ARMC2: variants seen among roughly 807,000 people sequenced by gnomAD.
ARMC2 encodes the protein armadillo repeat containing 2.
Under a neutral mutation model 90.3 loss-of-function variants are expected in ARMC2, and 67 were observed. That is an observed-to-expected ratio of 0.74 (90% confidence interval 0.61 to 0.91). The LOEUF (loss-of-function observed/expected upper bound fraction) is 0.91, where lower values mean the gene tolerates loss of function less well. ARMC2 is among the 40% of genes least tolerant of loss of function. ARMC2 has a pLI of 0.00. For synonymous variants in ARMC2, 393 were observed against 393.0 expected, an observed-to-expected ratio of 1.00 and a Z score of 0.00; for missense variants, 920 against 1,030.9, an observed-to-expected ratio of 0.89 and a Z score of 1.47.
intron 10 of ARMC2, among the ~76,000 whole-genome samples, chr6:108,927,013 AATC>A (rs985539178): frequency 7.3e-5 from 11 of 151,666 alleles, no homozygotes; most frequent in African/African-American, 2.4e-4. Context: ...AGGAAAAACT[AATC>A]ATGTCATCTT....
At chr6:109,049,926 T>C in the ARMC2 span, among the ~76,000 whole-genome samples, 18,275 of 152,138 alleles carry the variant, frequency 0.12, 1,179 homozygotes, top group Middle Eastern at 0.2. Context: ...TGTCTGACTT[T>C]GGTTTGAAAC....
chr6:109,002,399 G>C, the ARMC2 span: 1 of 1,414,038 alleles, frequency 7.1e-7, no homozygotes, highest in Non-Finnish European at 1.0e-6. Context: ...AATGAACTGA[G>C]GCTAAAGGAA....
rs114918690 is a variant in ARMC2, at chr6:108,911,752, A to G, written c.1127-583A>G. 4.0e-3 allele frequency among the ~76,000 whole-genome samples: 612 copies of G among 152,330 alleles called. 9 individuals carry two copies. The highest frequency in any genetic ancestry group is 0.014 in the African/African-American group (595 of 41,584). Reference sequence around the variant, plus strand: ...GTCAAATTATTACATTGACTTTAATATAATTAAATGTGAGATATGCATTAT... The same window carrying G: ...GTCAAATTATTACATTGACTTTAATGTAATTAAATGTGAGATATGCATTAT... On this transcript the variant is annotated intron_variant, in intron 9 of 17. Transcript: ENST00000392644.
chr6:109,012,617 C>T, the ARMC2 span, among the ~76,000 whole-genome samples: 1 of 152,224 alleles, frequency 6.6e-6, no homozygotes, highest in South Asian at 2.1e-4. Context: ...ACCTGAGCTA[C>T]AGCTTAGAGT....
the ARMC2 span, among the ~76,000 whole-genome samples, chr6:108,979,790 T>C: frequency 2.6e-5 from 4 of 151,946 alleles, no homozygotes; most frequent in South Asian, 6.2e-4. Context: ...GATATGGCTA[T>C]TGATACTTGT....
intron 13 of ARMC2, 80 bp downstream of exon 13, chr6:108,953,431 G>A: frequency 1.4e-6 from 2 of 1,400,398 alleles, no homozygotes; most frequent in Non-Finnish European, 1.9e-6. Flanking sequence ...TCTGTGGTGT[G>A]ATGAGGATTT....
Position 108,962,125 on chromosome 6 carries a change from A to T in ARMC2, c.2150A>T (p.Asn717Ile). Residue 717 changes from asparagine to isoleucine, a missense_variant and splice_region_variant, in exon 15 of 18, where the codon AAT becomes ATT. Physicochemically the swap from Asn to Ile is moderately radical, Grantham distance 149. Transcript: ENST00000392644. ...GTCTGCGATTTCATTGTGCAGAACAATGGTGAGTTAATAACACTAGAATTC... is the reference window on the plus strand; with the variant it reads ...GTCTGCGATTTCATTGTGCAGAACATTGGTGAGTTAATAACACTAGAATTC... ...HDVCDFIVQN[N>I]VHRFMMALLD... 6.3e-7 allele frequency: 1 copy of T among 1,598,392 alleles called. No individual in the cohort carries two copies. The highest frequency in any genetic ancestry group is 8.6e-7 in the Non-Finnish European group (1 of 1,168,658).
intron 2 of ARMC2, chr6:108,856,717 A>C (rs1392903220): frequency 1.3e-5 from 2 of 152,902 alleles, no homozygotes; most frequent in Admixed American, 1.3e-4. Context: ...CACCTCCAGC[A>C]GCAGTGTCTT....
At chr6:108,914,907 T>C (rs2128474599) in intron 10 of ARMC2, among the ~76,000 whole-genome samples, 1 of 152,012 alleles carries the variant, frequency 6.6e-6, no homozygotes, top group South Asian at 2.1e-4. Flanking sequence ...GAAGTGTCTG[T>C]TTACACCAGC....
the ARMC2 span, among the ~76,000 whole-genome samples, chr6:109,023,647 A>G: frequency 3.3e-5 from 5 of 152,230 alleles, no homozygotes; most frequent in South Asian, 2.1e-4. Flanking sequence ...CTACTGGCAC[A>G]TCACATACAA....
At chr6:109,001,262 C>A in the ARMC2 span, 5 of 1,602,034 alleles carry the variant, frequency 3.1e-6, no homozygotes, top group Non-Finnish European at 4.3e-6. Context: ...TAGGCAAAAA[C>A]AATTTTTCAC....
Position 108,973,503 on chromosome 6 carries a change from C to T in ARMC2, c.2593C>T (p.Pro865Ser), listed in dbSNP as rs769615761. ...HHTFLEPLPIPSF is the reference protein window; with the variant it reads ...HHTFLEPLPISSF Reference sequence around the variant, plus strand: ...CACCTTCCTGGAACCCCTGCCCATTCCCTCTTTCTAACATGATGCAGATTA... The same window carrying T: ...CACCTTCCTGGAACCCCTGCCCATTTCCTCTTTCTAACATGATGCAGATTA... Residue 865 changes from proline (P) to serine (S), a missense_variant, in exon 18 of 18, where the codon CCC (proline) becomes TCC (serine). Coordinates refer to ENST00000392644, the MANE Select transcript of ARMC2 (RefSeq NM_032131.6). 2.7e-5 allele frequency: 44 copies of T among 1,611,756 alleles called. 1 individual carries two copies. The highest frequency in any genetic ancestry group is 1.6e-4 in the Middle Eastern group (1 of 6,074).
At chr6:108,863,899 C>T (rs926439172) in intron 3 of ARMC2, among the ~76,000 whole-genome samples, 1 of 152,244 alleles carries the variant, frequency 6.6e-6, no homozygotes, top group South Asian at 2.1e-4. Flanking sequence ...CCACTGCCTC[C>T]TCTGGGCAAC....
intron 5 of ARMC2, among the ~76,000 whole-genome samples, chr6:108,888,049 CG>C (rs1554242244): frequency 7.2e-5 from 11 of 152,188 alleles, no homozygotes; most frequent in Non-Finnish European, 5.9e-5. Flanking sequence ...TGCAGCGTTA[CG>C]TAGAACATCT....
chr6:108,875,237 G>A (rs1486931307), intron 4 of ARMC2, among the ~76,000 whole-genome samples: 2 of 152,154 alleles, frequency 1.3e-5, no homozygotes, highest in African/African-American at 4.8e-5. Context: ...TGAGCAAAAA[G>A]GATATCTTCT....
chr6:108,984,314 T>A, the ARMC2 span, among the ~76,000 whole-genome samples: 1 of 152,142 alleles, frequency 6.6e-6, no homozygotes, highest in Non-Finnish European at 1.5e-5. Context: ...CTGGGTAATT[T>A]ATAGATAACA....
intron 13 of ARMC2, among the ~76,000 whole-genome samples, chr6:108,955,759 G>C (rs939643040): frequency 6.6e-6 from 1 of 152,204 alleles, no homozygotes; most frequent in Non-Finnish European, 1.5e-5. Context: ...TTCAGTTTCT[G>C]TTCCAACCTC....
At chr6:108,923,678 G>A (rs1774829014) in intron 10 of ARMC2, among the ~76,000 whole-genome samples, 1 of 149,076 alleles carries the variant, frequency 6.7e-6, no homozygotes, top group Non-Finnish European at 1.5e-5. Flanking sequence ...AGCATTCAGG[G>A]CCCCACCATC....
At chr6:108,952,891 C>A in intron 12 of ARMC2, 142 bp from the exon 13 acceptor site, 1 of 796,230 alleles carries the variant, frequency 1.3e-6, no homozygotes, top group Non-Finnish European at 2.0e-6. Context: ...TCTTGAGAAT[C>A]AAATACTGTA....
Sources: allele counts gnomAD v4.1 joint callset (sites outside exome capture counted in the v4.1 genomes callset), GRCh38; gene constraint gnomAD v4.1.1; transcripts MANE v1.5; gene names NCBI Gene and HGNC (gene_info 2026-07-23, HGNC 2026-07-21).